The following TUSC3 variants were observed in gnomAD, a reference collection of about 807,000 sequenced individuals.
TUSC3 encodes tumor suppressor candidate 3.
TUSC3 carries 45 observed loss-of-function variants against 44.8 expected under a neutral mutation model. The ratio of observed to expected loss-of-function variants is 1.00; its 90% CI spans 0.79 to 1.29. TUSC3 has a LOEUF of 1.29. Among genes scored for constraint, TUSC3 ranks in the 50% most tolerant of loss-of-function variants. TUSC3 has a pLI of 0.00. For missense variants in TUSC3, 519 were observed against 437.9 expected (o/e 1.19, Z -1.65); for synonymous variants, 212 against 152.9 (o/e 1.39, Z -2.85).
At chr8:15,732,140 T>A (rs1206691416) in intron 7 of TUSC3, among the ~76,000 whole-genome samples, 1 of 152,182 alleles carries the variant, frequency 6.6e-6, no homozygotes, top group African/African-American at 2.4e-5. Flanking sequence ...CTCTGAACTT[T>A]GGTGGCCACA....
At chr8:15,652,505 A>G (rs1271813507) in intron 3 of TUSC3, among the ~76,000 whole-genome samples, 1 of 152,196 alleles carries the variant, frequency 6.6e-6, no homozygotes, top group Non-Finnish European at 1.5e-5. Flanking sequence ...CTATAGGAGC[A>G]ATAAATTTGG....
chr8:15,616,783 A>G (rs1344297690), intron 1 of TUSC3, among the ~76,000 whole-genome samples: 4 of 152,236 alleles, frequency 2.6e-5, no homozygotes, highest in East Asian at 1.9e-4. Flanking sequence ...CGTTGCTGGC[A>G]TCTCTGAGTT....
chr8:15,810,027 G>A, the TUSC3 span, among the ~76,000 whole-genome samples: 1 of 152,164 alleles, frequency 6.6e-6, no homozygotes, highest in Non-Finnish European at 1.5e-5. Context: ...CTTACATGCT[G>A]TTGGATAATG....
At chr8:15,776,518 G>C in the TUSC3 span, among the ~76,000 whole-genome samples, 1 of 152,038 alleles carries the variant, frequency 6.6e-6, no homozygotes, top group African/African-American at 2.4e-5. Flanking sequence ...GCCCATGTCT[G>C]TCTATTCATA....
the TUSC3 span, among the ~76,000 whole-genome samples, chr8:15,849,666 C>G: frequency 6.6e-6 from 1 of 152,108 alleles, no homozygotes; most frequent in African/African-American, 2.4e-5. Context: ...GTAAGAATGC[C>G]TACAGGGTAA....
chr8:15,636,096 A>T (rs1806061494), intron 2 of TUSC3, among the ~76,000 whole-genome samples: 1 of 152,292 alleles, frequency 6.6e-6, no homozygotes, highest in South Asian at 2.1e-4. Context: ...CAGGACTATG[A>T]GGACTGCCTT....
At chr8:15,453,012 C>T (rs1278697746) in intron 1 of TUSC3, among the ~76,000 whole-genome samples, 1 of 151,898 alleles carries the variant, frequency 6.6e-6, no homozygotes, top group East Asian at 1.9e-4. Flanking sequence ...AATAAGAGGA[C>T]TCTAGTACCC....
chr8:15,608,762 G>T (rs181860809), intron 1 of TUSC3, among the ~76,000 whole-genome samples: 13 of 152,200 alleles, frequency 8.5e-5, no homozygotes, highest in Non-Finnish European at 1.6e-4. Context: ...CACCATGATT[G>T]TAAGTTTCCT....
At chr8:15,480,942 TGCAACAGTATTAAGAAGTGGGGCCTTCA>T (rs1431436465) in intron 1 of TUSC3, among the ~76,000 whole-genome samples, 12 of 152,106 alleles carry the variant, frequency 7.9e-5, no homozygotes. Flanking sequence ...TAATCACCTT[TGCAACAGTATTAAGAAGTGGGGCCTTCA>T]GGCAAGGTGG....
intron 1 of TUSC3, among the ~76,000 whole-genome samples, chr8:15,603,959 A>G (rs1804412534): frequency 6.6e-6 from 1 of 151,784 alleles, no homozygotes; most frequent in Middle Eastern, 3.4e-3. Flanking sequence ...AATAATGATA[A>G]TGATTCTATT....
At chr8:15,840,570 A>C in the TUSC3 span, among the ~76,000 whole-genome samples, 138 of 152,272 alleles carry the variant, frequency 9.1e-4, no homozygotes, top group African/African-American at 3.1e-3. Context: ...TAGGGCATGG[A>C]AGAGAAAAAA....
At chr8:15,555,878 G>C (rs1018113239) in intron 1 of TUSC3, among the ~76,000 whole-genome samples, 1 of 151,392 alleles carries the variant, frequency 6.6e-6, no homozygotes, top group African/African-American at 2.4e-5. Context: ...ATAAGCCAAT[G>C]TTGATTTATA....
At chr8:15,834,831 T>C in the TUSC3 span, among the ~76,000 whole-genome samples, 1 of 152,186 alleles carries the variant, frequency 6.6e-6, no homozygotes, top group Non-Finnish European at 1.5e-5. Flanking sequence ...CAAGGGTTTT[T>C]ACAGTAAGGT....
intron 2 of TUSC3, among the ~76,000 whole-genome samples, chr8:15,494,595 G>C (rs1258663308): frequency 6.6e-6 from 1 of 152,164 alleles, no homozygotes; most frequent in East Asian, 1.9e-4. Flanking sequence ...GGGATTAGAG[G>C]CGTGAGCCAC....
At chr8:15,502,254 G>A (rs527947925) in intron 2 of TUSC3, among the ~76,000 whole-genome samples, 2 of 152,200 alleles carry the variant, frequency 1.3e-5, no homozygotes, top group South Asian at 2.1e-4. Flanking sequence ...GCTTAGTTTC[G>A]TGTATATATT....
At chr8:15,835,689 G>C in the TUSC3 span, among the ~76,000 whole-genome samples, 24 of 152,192 alleles carry the variant, frequency 1.6e-4, no homozygotes, top group Non-Finnish European at 2.8e-4. Context: ...GGAATGCTCT[G>C]TGCAGCTAGG....
chr8:15,485,662 G>C (rs1800724385), intron 2 of TUSC3, among the ~76,000 whole-genome samples: 1 of 152,156 alleles, frequency 6.6e-6, no homozygotes, highest in Non-Finnish European at 1.5e-5. Context: ...TCAGTGCAGG[G>C]AAGAGTATGT....
intron 2 of TUSC3, among the ~76,000 whole-genome samples, chr8:15,526,498 T>C (rs1198617927): frequency 6.6e-6 from 1 of 152,128 alleles, no homozygotes; most frequent in Non-Finnish European, 1.5e-5. Flanking sequence ...GGGAGATAAT[T>C]GAATGGTGGG....
chr8:15,596,730 T>C (rs999980113), intron 1 of TUSC3, among the ~76,000 whole-genome samples: 1 of 152,168 alleles, frequency 6.6e-6, no homozygotes, highest in Non-Finnish European at 1.5e-5. Flanking sequence ...GGTGTGGGTA[T>C]TCAGAGAATT....
Sources: gnomAD v4.1 joint callset for allele counts (sites outside exome capture counted in the v4.1 genomes callset) on GRCh38, gnomAD v4.1.1 for gene constraint, MANE v1.5 for transcripts, NCBI Gene and HGNC (gene_info 2026-07-23, HGNC 2026-07-21) for gene names.